The following RERE variants were observed in gnomAD, a reference collection of about 807,000 sequenced individuals.
RERE encodes the protein arginine-glutamic acid dipeptide repeats protein.
A neutral mutation model predicts 146.1 loss-of-function variants in RERE; 40 were observed. That is an observed-to-expected ratio of 0.27 (90% CI 0.21 to 0.36). The LOEUF (loss-of-function observed/expected upper bound fraction) is 0.36, where lower values mean the gene tolerates loss of function less well. Ranked by LOEUF, RERE falls within the 10% of genes least tolerant of loss-of-function variation. The probability of loss-of-function intolerance (pLI) is 1.00; values close to 1 mark genes in which losing one functional copy is unlikely to be tolerated. For synonymous variants in RERE, 1,003 were observed against 866.0 expected (o/e 1.16, Z -2.78); for missense variants, 1,933 against 2,138.7 (o/e 0.90, Z 1.90).
At chr1:8,674,446 A>G (rs1292816543) in intron 1 of RERE, among the ~76,000 whole-genome samples, 2 of 152,194 alleles carry the variant, frequency 1.3e-5, no homozygotes, top group Non-Finnish European at 2.9e-5. Context: ...CATACAAACA[A>G]TAACTGTGAT....
Position 8,557,626 on chromosome 1 carries a change from A to C in RERE, c.523-103T>G. 5 of 725,778 alleles carry C rather than the reference A, an allele frequency of 6.9e-6. No individual in the cohort carries two copies. In the South Asian group the frequency reaches 7.7e-5, roughly 11 times the overall value. The allele number at this position is 725,778 out of a possible 1,614,324, so 45.0% of individuals were successfully genotyped here. On this transcript the variant is annotated intron_variant, in intron 4 of 22. Transcript: ENST00000400908. The stretch of plus-strand genomic sequence containing the variant: ...CCCCTGTAAACGGGTGGACACGTAG[A>C]TAGGGAGAGACACAATTACCATCAG...
chr1:8,662,813 C>G (rs187937793), intron 1 of RERE, among the ~76,000 whole-genome samples: 215 of 152,302 alleles, frequency 1.4e-3, no homozygotes, highest in African/African-American at 4.9e-3. Flanking sequence ...TTAGCACTGC[C>G]GCTTGCTGCA....
At chr1:8,493,816 A>G (rs528962970) in intron 10 of RERE, among the ~76,000 whole-genome samples, 1 of 152,364 alleles carries the variant, frequency 6.6e-6, no homozygotes, top group South Asian at 2.1e-4. Context: ...ACATACACAT[A>G]CACAACGATG....
At chr1:8,571,485 G>C (rs538304300) in intron 4 of RERE, among the ~76,000 whole-genome samples, 1 of 152,216 alleles carries the variant, frequency 6.6e-6, no homozygotes, top group Admixed American at 6.5e-5. Context: ...TGCATAATAG[G>C]AATCCAAGTA....
chr1:8,670,757 C>T (rs1337529876), intron 1 of RERE, among the ~76,000 whole-genome samples: 2 of 152,104 alleles, frequency 1.3e-5, no homozygotes, highest in South Asian at 2.1e-4. Flanking sequence ...AAGCAGTGAG[C>T]GCAAGAAGAA....
chr1:8,499,604 A>G (rs1406994439), intron 8 of RERE, among the ~76,000 whole-genome samples: 1 of 152,236 alleles, frequency 6.6e-6, no homozygotes, highest in Non-Finnish European at 1.5e-5. Context: ...TTTTGAGGCA[A>G]CTGCATAGCA....
At chr1:8,745,298 T>C (rs945625560) in intron 1 of RERE, among the ~76,000 whole-genome samples, 5 of 152,280 alleles carry the variant, frequency 3.3e-5, no homozygotes, top group Non-Finnish European at 5.9e-5. Flanking sequence ...TTTGCCATGA[T>C]TGTAAGTTTC....
intron 7 of RERE, among the ~76,000 whole-genome samples, chr1:8,522,824 G>T (rs1421424397): frequency 6.6e-6 from 1 of 151,340 alleles, no homozygotes; most frequent in Non-Finnish European, 1.5e-5. Context: ...AGTGAGCTGA[G>T]ATCACACCAT....
intron 2 of RERE, among the ~76,000 whole-genome samples, chr1:8,640,784 T>C (rs1398162424): frequency 6.6e-6 from 1 of 152,224 alleles, no homozygotes; most frequent in African/African-American, 2.4e-5. Context: ...ATGAAGTGAC[T>C]AACTTACCTT....
intron 11 of RERE, among the ~76,000 whole-genome samples, chr1:8,428,211 G>A (rs1301786799): frequency 2.0e-5 from 3 of 152,172 alleles, no homozygotes; most frequent in Non-Finnish European, 2.9e-5. Flanking sequence ...CCAGCGCTGG[G>A]CAGCTCTGCT....
intron 1 of RERE, among the ~76,000 whole-genome samples, chr1:8,793,196 A>AGGCTCTATTTTG (rs1641401138): frequency 6.6e-6 from 1 of 150,972 alleles, no homozygotes; most frequent in Non-Finnish European, 1.5e-5. Context: ...GAAAGAAAGA[A>AGGCTCTATTTTG]GGCTCTATTT....
At chr1:8,778,452 G>C (rs1031094889) in intron 1 of RERE, among the ~76,000 whole-genome samples, 29 of 152,168 alleles carry the variant, frequency 1.9e-4, no homozygotes, top group Admixed American at 1.8e-3. Flanking sequence ...TTGTATGTGA[G>C]ACAGCAAACA....
At chr1:8,755,873 C>T (rs1640630328) in intron 1 of RERE, among the ~76,000 whole-genome samples, 2 of 151,830 alleles carry the variant, frequency 1.3e-5, no homozygotes, top group African/African-American at 2.4e-5. Flanking sequence ...GAGACCAGCC[C>T]GGGCAATATA....
chr1:8,554,472 A>T (rs1645979841), intron 6 of RERE, among the ~76,000 whole-genome samples: 1 of 151,972 alleles, frequency 6.6e-6, no homozygotes, highest in South Asian at 2.1e-4. Flanking sequence ...GGATTGCTTA[A>T]GTTTAGGAGT....
intron 11 of RERE, among the ~76,000 whole-genome samples, chr1:8,443,533 T>C (rs1403828999): frequency 1.3e-5 from 2 of 151,254 alleles, no homozygotes; most frequent in East Asian, 3.9e-4. Context: ...AGCAATCACT[T>C]GCTAGAGATA....
chr1:8,634,448 G>T (rs1647071930), intron 2 of RERE, among the ~76,000 whole-genome samples: 1 of 152,148 alleles, frequency 6.6e-6, no homozygotes, highest in African/African-American at 2.4e-5. Flanking sequence ...TGTTTTATTG[G>T]CTGATTGTTA....
At chr1:8,590,862 G>A (rs1646483925) in intron 4 of RERE, 1 of 152,132 alleles carries the variant, frequency 6.6e-6, no homozygotes, top group African/African-American at 2.4e-5. Context: ...TTCCCTCTGA[G>A]GGACCACACG....
At chr1:8,518,133 G>A (rs745631197) in intron 7 of RERE, among the ~76,000 whole-genome samples, 2 of 152,194 alleles carry the variant, frequency 1.3e-5, no homozygotes, top group Non-Finnish European at 1.5e-5. Context: ...ATGTGATCAC[G>A]GTGACTGCTT....
At chr1:8,569,339 G>C (rs529431792) in intron 4 of RERE, among the ~76,000 whole-genome samples, 1 of 151,946 alleles carries the variant, frequency 6.6e-6, no homozygotes, top group Non-Finnish European at 1.5e-5. Flanking sequence ...GGTGACGGCG[G>C]TGATGGCAGT....
Sources: allele counts gnomAD v4.1 joint callset (sites outside exome capture counted in the v4.1 genomes callset), GRCh38; gene constraint gnomAD v4.1.1; transcripts MANE v1.5; gene names NCBI Gene and HGNC (gene_info 2026-07-23, HGNC 2026-07-21).